The following WNT9B variants were observed in gnomAD, a reference collection of about 807,000 sequenced individuals.
WNT9B encodes the protein Wnt family member 9B.
A neutral mutation model predicts 30.2 loss-of-function variants in WNT9B; 12 were observed. The ratio of observed to expected loss-of-function variants is 0.40; its 90% CI spans 0.26 to 0.64. The LOEUF is 0.64. Ranked by LOEUF, WNT9B falls within the 30% of genes least tolerant of loss-of-function variation. The pLI is 0.42. For synonymous variants in WNT9B, 218 were observed against 216.9 expected (o/e 1.01, Z -0.05); for missense variants, 442 against 485.2 (o/e 0.91, Z 0.84).
At chr17:46,850,573 A>T (rs958329137), upstream of WNT9B, among the ~76,000 whole-genome samples, 1 of 152,170 alleles carries the variant, frequency 6.6e-6, no homozygotes, top group African/African-American at 2.4e-5. Flanking sequence ...CTTGACATTC[A>T]TTGCAAGTTA....
At chr17:46,875,581 G>T (rs1007830845) in intron 3 of WNT9B, among the ~76,000 whole-genome samples, 2 of 152,242 alleles carry the variant, frequency 1.3e-5, no homozygotes, top group Non-Finnish European at 2.9e-5. Context: ...GCATGGAAGG[G>T]TCATGAGTGT....
exon 5 of WNT9B, chr17:46,885,604 C>T (rs1171733158): frequency 6.6e-6 from 1 of 152,166 alleles, no homozygotes; most frequent in African/African-American, 2.4e-5. Flanking sequence ...TGCCCGGCCG[C>T]CTTAGCATTT....
At chr17:46,881,297 C>G (rs1213998221), downstream of WNT9B, among the ~76,000 whole-genome samples, 1 of 152,248 alleles carries the variant, frequency 6.6e-6, no homozygotes, top group African/African-American at 2.4e-5. Flanking sequence ...GCATCCCCGT[C>G]CTAACATGCT....
chr17:46,870,509 C>T (rs1303228174), intron 1 of WNT9B, among the ~76,000 whole-genome samples: 1 of 152,190 alleles, frequency 6.6e-6, no homozygotes. Flanking sequence ...GGGAGAGGAG[C>T]CCAGGGCCAG....
intron 1 of WNT9B, among the ~76,000 whole-genome samples, chr17:46,856,329 G>A (rs1183782305): frequency 6.6e-6 from 1 of 152,162 alleles, no homozygotes; most frequent in South Asian, 2.1e-4. Context: ...TATGTGCTAA[G>A]TGCTCAGTCC....
rs2085381092 is a variant in WNT9B, at chr17:46,878,566, G to C, written c.*1848G>C. The stretch of plus-strand genomic sequence containing the variant: ...GCAGCAGGAGAAAAATGGGGAGAGG[G>C]CTGGTTTTCTCCTTTCTTCCACTTC... On this transcript the variant is annotated 3_prime_UTR_variant, in exon 4 of 4. Coordinates refer to ENST00000290015, the MANE Select transcript of WNT9B (RefSeq NM_003396.3). Among the ~76,000 whole-genome samples the C allele has an allele frequency of 6.6e-6, 1 of 152,198 alleles. No individual in the cohort carries two copies. The highest frequency in any genetic ancestry group is 1.5e-5 in the Non-Finnish European group (1 of 68,050).
rs760575637 is a variant in WNT9B, at chr17:46,876,582, G to T, written c.938G>T (p.Ser313Ile). Residue 313 changes from serine to isoleucine, a missense_variant, in exon 4 of 4, where the codon AGC becomes ATC. Ser to Ile is a moderately radical substitution (Grantham distance 142). Coordinates refer to ENST00000290015, the MANE Select transcript of WNT9B (RefSeq NM_003396.3). ...RVCSREASCS[S>I]LCCGRGYDTQ... The stretch of plus-strand genomic sequence containing the variant: ...TGCTCCCGGGAGGCCAGCTGCAGCA[G>T]CCTGTGCTGCGGGCGGGGCTATGAC... 1 of 1,613,464 alleles carries T rather than the reference G, an allele frequency of 6.2e-7. No individual in the cohort carries two copies.
chr17:46,865,555 C>G (rs958293516), intron 1 of WNT9B, among the ~76,000 whole-genome samples: 1 of 152,078 alleles, frequency 6.6e-6, no homozygotes, highest in Non-Finnish European at 1.5e-5. Context: ...GGGAGCCAGA[C>G]AGGAGGAACG....
At position 46,879,959 on chromosome 17, in the gene WNT9B, C is replaced by A. The variant is rs1038143673; in HGVS notation, c.*3241C>A. Among the ~76,000 whole-genome samples, 5 of 152,248 alleles carry A rather than the reference C, an allele frequency of 3.3e-5. No individual in the cohort carries two copies. Among genetic ancestry groups the A allele is most frequent in the African/African-American group, 1.2e-4 (5 of 41,472 alleles). Reference sequence around the variant, plus strand: ...CACTGCCCAAGAAGCTTGGGCTACACCACTGGGCCCCTCCCAACCTACAGA... The same window carrying A: ...CACTGCCCAAGAAGCTTGGGCTACAACACTGGGCCCCTCCCAACCTACAGA... On this transcript the variant is annotated 3_prime_UTR_variant, in exon 4 of 4. Transcript: ENST00000290015.
intron 1 of WNT9B, among the ~76,000 whole-genome samples, chr17:46,860,092 T>C (rs915997098): frequency 6.6e-6 from 1 of 152,200 alleles, no homozygotes; most frequent in Admixed American, 6.5e-5. Flanking sequence ...CTGATAAGAA[T>C]CACTGTGTTT....
At chr17:46,880,994 C>T (rs926067187), downstream of WNT9B, among the ~76,000 whole-genome samples, 65 of 152,314 alleles carry the variant, frequency 4.3e-4, 1 homozygote, top group African/African-American at 1.6e-3. Flanking sequence ...GAAGCACAGC[C>T]ATGCAGTGGT....
At chr17:46,869,129 C>T (rs2085193937) in intron 1 of WNT9B, among the ~76,000 whole-genome samples, 1 of 152,160 alleles carries the variant, frequency 6.6e-6, no homozygotes, top group Admixed American at 6.5e-5. Flanking sequence ...CCTGGGCAGA[C>T]CAGGGCCCGG....
downstream of WNT9B, among the ~76,000 whole-genome samples, chr17:46,881,717 C>T (rs1403796375): frequency 1.3e-5 from 2 of 152,188 alleles, no homozygotes; most frequent in South Asian, 2.1e-4. Context: ...GAGACAGTCA[C>T]TAGGTGGGTA....
intron 1 of WNT9B, among the ~76,000 whole-genome samples, chr17:46,836,880 T>C (rs2084638188): frequency 6.6e-6 from 1 of 152,240 alleles, no homozygotes; most frequent in African/African-American, 2.4e-5. Flanking sequence ...ACAATTTTGG[T>C]TTGTAAATGA....
chr17:46,876,109 G>T, intron 3 of WNT9B, 136 bp from the exon 4 acceptor site: 1 of 789,914 alleles, frequency 1.3e-6, no homozygotes, highest in Non-Finnish European at 2.0e-6. Flanking sequence ...CAGGCCAAGG[G>T]GAGGAGCTGG....
At chr17:46,862,163 C>CAAAAAAA (rs111407961) in intron 1 of WNT9B, among the ~76,000 whole-genome samples, 2 of 80,284 alleles carry the variant, frequency 2.5e-5, no homozygotes, top group Admixed American at 1.3e-4. Flanking sequence ...AACTCCGTCT[C>CAAAAAAA]AAAAAAAAAA....
chr17:46,852,730 C>T (rs1277562504), intron 1 of WNT9B, among the ~76,000 whole-genome samples: 1 of 151,974 alleles, frequency 6.6e-6, no homozygotes. Flanking sequence ...AATCTTCACC[C>T]CAAATCAATA....
rs971204447 is a variant in WNT9B, at chr17:46,876,306, T to C, written c.662T>C (p.Val221Ala). The change falls in exon 4 of 4, where the codon GTG becomes GCG. Residue 221 changes from valine (V) to alanine (A), a missense_variant. Coordinates refer to ENST00000290015, the MANE Select transcript of WNT9B (RefSeq NM_003396.3). ...CATGGCGTATCAGGCTCCTGTGCCG[T>C]GCGCACCTGCTGGAAGCAGCTCTCC... ...KCHGVSGSCA[V>A]RTCWKQLSPF... The C allele has an allele frequency of 1.9e-6, 3 of 1,614,194 alleles. No homozygotes were observed. Among genetic ancestry groups the C allele is most frequent in the Non-Finnish European group, 2.5e-6 (3 of 1,180,030 alleles).
rs543717258 is a variant in WNT9B, at chr17:46,863,420, G to T, written c.78-9097G>T. ...GGATCTCAGGGTATGAAAAACCATG[G>T]CCTCTGCCAAGGAGCTTACAGGATA... On this transcript the variant is annotated intron_variant, in intron 1 of 3. Transcript: ENST00000290015. 8.5e-5 allele frequency among the ~76,000 whole-genome samples: 13 copies of T among 152,332 alleles called. No homozygotes were observed. The South Asian group carries it at 2.5e-3, about 29-fold the overall frequency.
Sources: gnomAD v4.1 joint callset for allele counts (sites outside exome capture counted in the v4.1 genomes callset) on GRCh38, gnomAD v4.1.1 for gene constraint, MANE v1.5 for transcripts, NCBI Gene and HGNC (gene_info 2026-07-23, HGNC 2026-07-21) for gene names.